KCTD17: variants seen among roughly 807,000 people sequenced by gnomAD.
KCTD17 encodes potassium channel tetramerization domain containing 17, also known as BTB/POZ domain-containing protein KCTD17.
In KCTD17, 20 loss-of-function variants were observed where a neutral mutation model predicts 41.5. The observed-to-expected ratio is 0.48, with a 90% CI of 0.34 to 0.70. The LOEUF is 0.70. Among genes scored for constraint, KCTD17 ranks in the 30% least tolerant of loss-of-function variants. The pLI is 0.01. For missense variants in KCTD17, 317 were observed against 427.2 expected (o/e 0.74, Z 2.27); for synonymous variants, 156 against 173.8 (o/e 0.90, Z 0.80).
chr22:37,051,954 G>C lies in KCTD17; in HGVS notation c.189+5G>C. 6.8e-7 allele frequency: 1 copy of C among 1,463,006 alleles called. No individual in the cohort carries two copies. Among genetic ancestry groups the C allele is most frequent in the Non-Finnish European group, 9.1e-7 (1 of 1,104,482 alleles). 90.6% of individuals were successfully genotyped at this position (1,463,006 alleles called of 1,614,324 possible). A position where few individuals can be genotyped will look rare whatever the true frequency, so the allele number is the denominator to read the frequency against. ...GAAGAGCTGCAGTCGGACCGGGTGAGGCCCCCGGGGTGGGCGGCGAGCGGG... is the reference window on the plus strand; with the variant it reads ...GAAGAGCTGCAGTCGGACCGGGTGACGCCCCCGGGGTGGGCGGCGAGCGGG... On this transcript the variant is annotated splice_donor_5th_base_variant and intron_variant, in intron 1 of 8. Transcript: ENST00000403888.
rs1924687064 is a variant in KCTD17 at position 37,053,109 on chromosome 22, G to C, written c.199G>C (p.Gly67Arg). 6.3e-7 allele frequency: 1 copy of C among 1,589,096 alleles called. No individual in the cohort carries two copies. The change falls in exon 2 of 9, where the codon GGG becomes CGG. Residue 67 changes from glycine to arginine, a missense_variant. Physicochemically the swap from Gly to Arg is moderately radical, Grantham distance 125 (BLOSUM62 -2). Coordinates refer to ENST00000403888, the MANE Select transcript of KCTD17 (RefSeq NM_001282684.2). The surrounding 1 kb of genome is among the most constrained non-coding windows in gnomAD (Gnocchi z 4.1). ...TCCCTCACCTCCATAGGATGAGACC[G>C]GGGCCTACCTCATTGACCGTGACCC... ...EELQSDRDET[G>R]AYLIDRDPTY... is the part of the protein sequence containing the mutation.
rs1043052727 is a variant in KCTD17 at position 37,057,439 on chromosome 22, G to A, written c.432G>A (p.Glu144=). Residue 144 remains glutamate (E), a synonymous_variant, in exon 4 of 9, where the codon GAG becomes GAA. Transcript: ENST00000403888. ...TGTACCGCGTGCTGCAGTGCCAGGA[G>A]GAGGAGCTCACGCAAATGGTCTCCA... ...KHVYRVLQCQ[E]EELTQMVSTM... 15 of 1,613,498 alleles carry A rather than the reference G, an allele frequency of 9.3e-6. No individual in the cohort carries two copies. Among genetic ancestry groups the A allele is most frequent in the Non-Finnish European group, 1.2e-5 (14 of 1,179,900 alleles).
Position 37,051,748 on chromosome 22 carries a change from G to A in KCTD17, c.-13G>A. 4 of 1,217,692 alleles carry A rather than the reference G, an allele frequency of 3.3e-6. No homozygotes were observed. In the South Asian group the frequency reaches 1.2e-4, roughly 36 times the overall value. 75.4% of individuals were successfully genotyped at this position (1,217,692 alleles called of 1,614,324 possible). A position where few individuals can be genotyped will look rare whatever the true frequency, so the allele number is the denominator to read the frequency against. ...CAGCGCCCGGGAGGAGGATGCAGAC[G>A]CCGCGGCCGGCGATGAGGATGGAGG... On this transcript the variant is annotated 5_prime_UTR_variant, in exon 1 of 9. Coordinates refer to ENST00000403888, the MANE Select transcript of KCTD17 (RefSeq NM_001282684.2).
In KCTD17 at chr22:37,056,386, A is replaced by C. The variant is rs749246602; in HGVS notation, c.365A>C (p.Glu122Ala). 1 of 1,613,668 alleles carries C rather than the reference A, an allele frequency of 6.2e-7. No homozygotes were observed. The highest frequency in any genetic ancestry group is 1.1e-5 in the South Asian group (1 of 91,000). Reference sequence around the variant, plus strand: ...ATCCGCATCATCAAAGACCGGATGGAAGAGAAGGACTACACGGTCACCCAG... The same window carrying C: ...ATCCGCATCATCAAAGACCGGATGGCAGAGAAGGACTACACGGTCACCCAG... Reference protein sequence around the residue: ...PLIRIIKDRMEEKDYTVTQVP... With the variant: ...PLIRIIKDRMAEKDYTVTQVP... The change falls in exon 3 of 9, where the codon GAA (glutamate) becomes GCA (alanine). Residue 122 changes from glutamate to alanine, a missense_variant. Coordinates refer to ENST00000403888, the MANE Select transcript of KCTD17 (RefSeq NM_001282684.2).
At chr22:37,060,485 A>G (rs546476295) in intron 5 of KCTD17, among the ~76,000 whole-genome samples, 102 of 151,960 alleles carry the variant, frequency 6.7e-4, no homozygotes, top group African/African-American at 1.8e-3. Context: ...AGTCTTTCCA[A>G]ACAAGGCCTT....
chr22:37,059,662 C>T lies in KCTD17; in HGVS notation c.612+224C>T, dbSNP rs373712157. ...GAGAGCATCCCCAGGGTGCAGCCGG[C>T]GTGGACTCAGAGGCTACATGAAGGG... On this transcript the variant is annotated intron_variant, in intron 5 of 8. Coordinates refer to ENST00000403888, the MANE Select transcript of KCTD17 (RefSeq NM_001282684.2). 50 of 608,908 alleles carry T rather than the reference C, an allele frequency of 8.2e-5. 1 individual carries two copies. The highest frequency in any genetic ancestry group is 8.9e-4 in the Middle Eastern group (2 of 2,246). 37.7% of individuals were successfully genotyped at this position (608,908 alleles called of 1,614,324 possible).
intron 2 of KCTD17, among the ~76,000 whole-genome samples, chr22:37,055,686 G>A (rs909879021): frequency 3.3e-5 from 5 of 152,176 alleles, no homozygotes; most frequent in African/African-American, 1.2e-4. Context: ...TGATGAGCTC[G>A]TGCAGGGTGT....
At chr22:37,056,473 AGAC>A in intron 3 of KCTD17, 62 bp downstream of exon 3, 1 of 1,392,742 alleles carries the variant, frequency 7.2e-7, no homozygotes, top group Non-Finnish European at 1.0e-6. Context: ...AGAGGCTGAG[AGAC>A]GGGGCGGGAA....
chr22:37,055,414 C>G (rs1257239322), intron 2 of KCTD17: 3 of 152,230 alleles, frequency 2.0e-5, no homozygotes, highest in African/African-American at 7.2e-5. Flanking sequence ...CTCATTACCT[C>G]CCCTCCTAAT....
Position 37,061,042 on chromosome 22 carries a change from C to T in KCTD17, c.713-62C>T. The stretch of plus-strand genomic sequence containing the variant: ...GCTGCTGGGGGGGCACCAGGGTTAG[C>T]TCAGCCACTTGCCTGGCGCCTCACC... On this transcript the variant is annotated intron_variant, in intron 6 of 8. Coordinates refer to ENST00000403888, the MANE Select transcript of KCTD17 (RefSeq NM_001282684.2). The surrounding 1 kb of genome is among the most constrained non-coding windows in gnomAD (Gnocchi z 6.6). The T allele has an allele frequency of 6.4e-7, 1 of 1,551,060 alleles. No individual in the cohort carries two copies. Among genetic ancestry groups the T allele is most frequent in the Non-Finnish European group, 8.7e-7 (1 of 1,146,622 alleles).
Position 37,061,173 on chromosome 22 carries a change from G to A in KCTD17, c.782G>A (p.Gly261Glu), listed in dbSNP as rs1568987290. Residue 261 changes from glycine (G) to glutamate (E), a missense_variant and splice_region_variant, in exon 7 of 9, where the codon GGA (glycine) becomes GAA (glutamate). Coordinates refer to ENST00000403888, the MANE Select transcript of KCTD17 (RefSeq NM_001282684.2). The surrounding 1 kb of genome is among the most constrained non-coding windows in gnomAD (Gnocchi z 6.6). ...PPLPPPPLPAGGSRPHPLRPE... is the reference protein window; with the variant it reads ...PPLPPPPLPAEGSRPHPLRPE... ...CTGCCTCCTCCTCCGCTTCCCGCTG[G>A]AGGTCCTGCCTCATCTTCATCCACC... is the stretch of plus-strand genomic sequence containing the variant. 1 of 1,550,742 alleles carries A rather than the reference G, an allele frequency of 6.4e-7. No individual in the cohort carries two copies. Among genetic ancestry groups the A allele is most frequent in the Non-Finnish European group, 8.7e-7 (1 of 1,146,850 alleles).
At chr22:37,057,250 A>G (rs960444400) in intron 3 of KCTD17, 148 bp from the exon 4 acceptor site, 2 of 707,102 alleles carry the variant, frequency 2.8e-6, no homozygotes, top group African/African-American at 3.5e-5. Flanking sequence ...TGCTCAGAGC[A>G]TGGCTGCCTC....
At chr22:37,057,176 AT>A (rs1162789978) in intron 3 of KCTD17, among the ~76,000 whole-genome samples, 3 of 152,170 alleles carry the variant, frequency 2.0e-5, no homozygotes, top group Non-Finnish European at 2.9e-5. Flanking sequence ...AAGTCCCGTA[AT>A]GCCTAGGATT....
Position 37,062,602 on chromosome 22 carries a change from T to C in KCTD17, c.*8T>C. 1 of 1,611,322 alleles carries C rather than the reference T, an allele frequency of 6.2e-7. No homozygotes were observed. Among genetic ancestry groups the C allele is most frequent in the South Asian group, 1.1e-5 (1 of 90,482 alleles). Reference sequence around the variant, plus strand: ...CTTGGGGTTCCCATCTGAAATCCTTTATTTTTGTACCATGGGGTGGGCCCC... The same window carrying C: ...CTTGGGGTTCCCATCTGAAATCCTTCATTTTTGTACCATGGGGTGGGCCCC... On this transcript the variant is annotated 3_prime_UTR_variant, in exon 9 of 9. Coordinates refer to ENST00000403888, the MANE Select transcript of KCTD17 (RefSeq NM_001282684.2).
chr22:37,061,296 C>T lies in KCTD17; in HGVS notation c.784+121C>T. 1 of 1,525,874 alleles carries T rather than the reference C, an allele frequency of 6.6e-7. No homozygotes were observed. The allele number at this position is 1,525,874 out of a possible 1,614,324, so 94.5% of individuals were successfully genotyped here. A position where few individuals can be genotyped will look rare whatever the true frequency, so the allele number is the denominator to read the frequency against. ...TGCTCACGCCTCCATCCCGGGTCTG[C>T]CCTGGTCCCAGCCTCCCGTGCCCTC... On this transcript the variant is annotated intron_variant, in intron 7 of 8. Coordinates refer to ENST00000403888, the MANE Select transcript of KCTD17 (RefSeq NM_001282684.2). This position sits in a 1 kb window ranked among gnomAD's most constrained non-coding sequence, Gnocchi z 6.6.
intron 1 of KCTD17, chr22:37,052,265 G>A: frequency 2.5e-6 from 1 of 400,958 alleles, no homozygotes; most frequent in Non-Finnish European, 4.7e-6. Context: ...CCTCCCAAAG[G>A]GGACTCCTGC....
chr22:37,056,184 C>A, intron 2 of KCTD17, 136 bp from the exon 3 acceptor site: 1 of 651,316 alleles, frequency 1.5e-6, no homozygotes. Flanking sequence ...TACTTGACCC[C>A]TGAACTCACA....
chr22:37,056,412 G>C lies in KCTD17; in HGVS notation c.390+1G>C. 6.2e-7 allele frequency: 1 copy of C among 1,612,874 alleles called. No individual in the cohort carries two copies. Among genetic ancestry groups the C allele is most frequent in the Non-Finnish European group, 8.5e-7 (1 of 1,179,178 alleles). On this transcript the variant is annotated splice_donor_variant, in intron 3 of 8. Transcript: ENST00000403888. LOFTEE classifies it high-confidence loss of function. Reference sequence around the variant, plus strand: ...AGAGAAGGACTACACGGTCACCCAGGTCGGGAGCAGGGGCAGCACACACGG... The same window carrying C: ...AGAGAAGGACTACACGGTCACCCAGCTCGGGAGCAGGGGCAGCACACACGG...
intron 8 of KCTD17, 110 bp from the exon 9 acceptor site, chr22:37,062,415 T>TG: frequency 8.9e-7 from 1 of 1,126,482 alleles, no homozygotes. Context: ...TCTCTCCCTC[T>TG]CCCCCACCCG....
Sources: allele counts gnomAD v4.1 joint callset (sites outside exome capture counted in the v4.1 genomes callset), GRCh38; gene constraint gnomAD v4.1.1; non-coding constraint Gnocchi (gnomAD v3.1); transcripts MANE v1.5; gene names NCBI Gene and HGNC (gene_info 2026-07-23, HGNC 2026-07-21).